The following WARS2 variants were observed in gnomAD, a reference collection of about 807,000 sequenced individuals.
The protein encoded by WARS2 is tryptophan--tRNA ligase, mitochondrial.
A neutral mutation model predicts 36.5 loss-of-function variants in WARS2; 28 were observed. The ratio of observed to expected loss-of-function variants is 0.77; its 90% CI spans 0.57 to 1.05. The LOEUF (loss-of-function observed/expected upper bound fraction) is 1.05, where lower values mean the gene tolerates loss of function less well. Among genes scored for constraint, WARS2 ranks in the 50% least tolerant of loss-of-function variants. The probability of loss-of-function intolerance (pLI) is 0.00; values close to 1 mark genes in which losing one functional copy is unlikely to be tolerated. For missense variants in WARS2, 435 were observed against 456.8 expected, an observed-to-expected ratio of 0.95 and a Z score of 0.44; for synonymous variants, 174 against 178.4, an observed-to-expected ratio of 0.98 and a Z score of 0.20.
At chr1:119,126,284 AT>A (rs1375314150) in intron 1 of WARS2, among the ~76,000 whole-genome samples, 2,690 of 145,978 alleles carry the variant, frequency 0.018, 82 homozygotes, top group African/African-American at 0.066. Flanking sequence ...AAAAAAAAAA[AT>A]CTCAAAATAA....
In WARS2 at chr1:119,114,585, G is replaced by C. The variant is rs184315731; in HGVS notation, c.90+25970C>G. ...CCCCTTAGCAACACAACTTAGCAAG[G>C]CTTCTTCAGCTTCCTGGTTCAGGTT... is the stretch of plus-strand genomic sequence containing the variant. On this transcript the variant is annotated intron_variant, in intron 1 of 5. Coordinates refer to ENST00000235521, the MANE Select transcript of WARS2 (RefSeq NM_015836.4). Among the ~76,000 whole-genome samples, 9 of 152,218 alleles carry C rather than the reference G, an allele frequency of 5.9e-5. No individual in the cohort carries two copies. In the East Asian group the frequency reaches 9.7e-4, roughly 16 times the overall value.
intron 2 of WARS2, among the ~76,000 whole-genome samples, chr1:119,069,246 A>C (rs1651117287): frequency 6.6e-6 from 1 of 152,216 alleles, no homozygotes; most frequent in East Asian, 1.9e-4. Context: ...TCTCTAACTC[A>C]TAATTTCAAA....
At chr1:119,120,508 A>G (rs2101534823) in intron 1 of WARS2, among the ~76,000 whole-genome samples, 1 of 152,182 alleles carries the variant, frequency 6.6e-6, no homozygotes, top group African/African-American at 2.4e-5. Context: ...TACTGAAACT[A>G]TTGCAAAAGA....
At chr1:119,033,617 G>T (rs1364770811) in intron 5 of WARS2, among the ~76,000 whole-genome samples, 1 of 152,176 alleles carries the variant, frequency 6.6e-6, no homozygotes, top group Non-Finnish European at 1.5e-5. Flanking sequence ...TAGGCTTTGT[G>T]TTAGATGATT....
chr1:119,059,293 G>A (rs1408920193), intron 2 of WARS2, among the ~76,000 whole-genome samples: 3 of 151,890 alleles, frequency 2.0e-5, no homozygotes, highest in African/African-American at 7.2e-5. Flanking sequence ...TTGCTGTGCA[G>A]AAGCTCTTTA....
At chr1:119,133,497 T>C (rs1191117380) in intron 1 of WARS2, among the ~76,000 whole-genome samples, 2 of 152,252 alleles carry the variant, frequency 1.3e-5, no homozygotes, top group South Asian at 2.1e-4. Context: ...GCTAGCTATG[T>C]AACCTTAGGT....
Position 119,031,278 on chromosome 1 carries a change from T to C in WARS2, c.*1633A>G, listed in dbSNP as rs958422814. The C allele has an allele frequency of 1.3e-5, 2 of 152,198 alleles. No individual in the cohort carries two copies. The highest frequency in any genetic ancestry group is 4.8e-5 in the African/African-American group (2 of 41,442). The allele number at this position is 152,198 out of a possible 1,614,324, so 9.4% of individuals were successfully genotyped here. Reference sequence around the variant, plus strand: ...CAGTATTCACAATCCTTTCAAAGTTTCCTTTAAAGGGGAAAAAACAGAGGC... The same window carrying C: ...CAGTATTCACAATCCTTTCAAAGTTCCCTTTAAAGGGGAAAAAACAGAGGC... On this transcript the variant is annotated 3_prime_UTR_variant, in exon 6 of 6. Coordinates refer to ENST00000235521, the MANE Select transcript of WARS2 (RefSeq NM_015836.4).
chr1:119,127,053 G>A, intron 1 of WARS2: 2 of 761,130 alleles, frequency 2.6e-6, no homozygotes, highest in Admixed American at 3.4e-5. Context: ...TTTTCTAAAT[G>A]CAACTTCATC....
intron 1 of WARS2, among the ~76,000 whole-genome samples, chr1:119,122,592 C>T (rs1292663156): frequency 6.6e-6 from 1 of 152,168 alleles, no homozygotes; most frequent in Non-Finnish European, 1.5e-5. Context: ...TATGTAGACA[C>T]ACATGTTTAT....
chr1:119,082,387 C>A (rs1652266136), intron 1 of WARS2: 2 of 985,280 alleles, frequency 2.0e-6, no homozygotes, highest in South Asian at 4.7e-5. Flanking sequence ...TATTTTCCTT[C>A]TTGTGATGAA....
intron 1 of WARS2, chr1:119,126,432 A>G (rs1295796995): frequency 2.7e-6 from 1 of 366,070 alleles, no homozygotes. Flanking sequence ...TACAAATATT[A>G]ATTGATTGAA....
Position 119,140,593 on chromosome 1 carries a change from C to A in WARS2, c.52G>T (p.Ala18Ser). The A allele has an allele frequency of 3.1e-6, 5 of 1,613,894 alleles. No individual in the cohort carries two copies. Among genetic ancestry groups the A allele is most frequent in the Non-Finnish European group, 4.2e-6 (5 of 1,179,852 alleles). ...KARERWSFIR[A>S]LHKGSAAAPA... is the part of the protein sequence containing the mutation. ...GCAGCTGCGGATCCCTTATGAAGTG[C>A]CCGGATGAAGCTCCAGCGCTCACGC... Residue 18 changes from alanine (A) to serine (S), a missense_variant, in exon 1 of 6, where the codon GCA becomes TCA. Physicochemically the swap from Ala to Ser is moderately conservative, Grantham distance 99. Coordinates refer to ENST00000235521, the MANE Select transcript of WARS2 (RefSeq NM_015836.4).
intron 1 of WARS2, among the ~76,000 whole-genome samples, chr1:119,134,319 C>CA (rs761321480): frequency 0.062 from 4,092 of 65,678 alleles, 464 homozygotes; most frequent in African/African-American, 0.18. Context: ...GGCAAAGGGG[C>CA]AAAAAAAAAA....
At chr1:119,097,473 T>C (rs1653524431) in intron 1 of WARS2, among the ~76,000 whole-genome samples, 1 of 152,214 alleles carries the variant, frequency 6.6e-6, no homozygotes, top group African/African-American at 2.4e-5. Flanking sequence ...TACAAGACTT[T>C]GCACTTGCAA....
chr1:119,062,886 C>G (rs1459971841), intron 2 of WARS2: 1 of 153,614 alleles, frequency 6.5e-6, no homozygotes, highest in Non-Finnish European at 1.4e-5. Context: ...ATCATGAAAA[C>G]AGACTAATAC....
At chr1:119,082,265 C>T (rs1652253130) in intron 1 of WARS2, 1 of 985,026 alleles carries the variant, frequency 1.0e-6, no homozygotes, top group Admixed American at 6.2e-5. Flanking sequence ...AAAAATATTC[C>T]CCCACAGGCT....
At chr1:119,100,117 A>G (rs957852309) in intron 1 of WARS2, among the ~76,000 whole-genome samples, 2 of 151,492 alleles carry the variant, frequency 1.3e-5, no homozygotes, top group Non-Finnish European at 3.0e-5. Flanking sequence ...ACAAATGAAA[A>G]GCAATCCCAT....
intron 1 of WARS2, among the ~76,000 whole-genome samples, chr1:119,090,923 A>G (rs1290645453): frequency 6.6e-6 from 1 of 152,142 alleles, no homozygotes; most frequent in East Asian, 1.9e-4. Flanking sequence ...GTTTTTCGGC[A>G]TATGGTGGTC....
chr1:119,130,595 A>G (rs892001302), intron 1 of WARS2, among the ~76,000 whole-genome samples: 9 of 152,240 alleles, frequency 5.9e-5, no homozygotes, highest in Non-Finnish European at 1.0e-4. Flanking sequence ...TGCAACAAAC[A>G]TTACACAACT....
Sources: allele counts gnomAD v4.1 joint callset (sites outside exome capture counted in the v4.1 genomes callset), GRCh38; gene constraint gnomAD v4.1.1; transcripts MANE v1.5; gene names NCBI Gene and HGNC (gene_info 2026-07-23, HGNC 2026-07-21).